CTNNA2: variants seen among roughly 807,000 people sequenced by gnomAD.
The protein encoded by CTNNA2 is catenin alpha 2.
CTNNA2 carries 42 observed loss-of-function variants against 101.0 expected under a neutral mutation model. The observed-to-expected ratio is 0.42, with a 90% CI of 0.32 to 0.54. CTNNA2 has a LOEUF of 0.54. Ranked by LOEUF, CTNNA2 falls within the 20% of genes least tolerant of loss-of-function variation. The pLI is 0.14. For synonymous variants in CTNNA2, 450 were observed against 456.4 expected (o/e 0.99, Z 0.18); for missense variants, 871 against 1,223.1 (o/e 0.71, Z 4.29).
At chr2:79,237,877 G>A (rs1674577068) in intron 2 of CTNNA2, among the ~76,000 whole-genome samples, 2 of 152,208 alleles carry the variant, frequency 1.3e-5, no homozygotes, top group East Asian at 3.9e-4. Context: ...GAATGTTGTG[G>A]CTTGTTTGAT....
chr2:79,334,349 G>A (rs960213652), intron 3 of CTNNA2, among the ~76,000 whole-genome samples: 1 of 151,862 alleles, frequency 6.6e-6, no homozygotes, highest in Non-Finnish European at 1.5e-5. Flanking sequence ...AAACAGCATA[G>A]CTTTTTTTCT....
intron 7 of CTNNA2, among the ~76,000 whole-genome samples, chr2:80,148,668 C>A (rs540282726): frequency 7.9e-5 from 12 of 152,320 alleles, no homozygotes; most frequent in Non-Finnish European, 1.8e-4. Flanking sequence ...AGTTTTATTT[C>A]TCTGAGGCTT....
At chr2:80,427,373 G>C (rs1331512982) in intron 9 of CTNNA2, among the ~76,000 whole-genome samples, 1 of 152,130 alleles carries the variant, frequency 6.6e-6, no homozygotes, top group Non-Finnish European at 1.5e-5. Flanking sequence ...TTGCTACGAG[G>C]CTCCCTGAGT....
At chr2:79,583,208 T>G (rs546257551) in intron 1 of CTNNA2, among the ~76,000 whole-genome samples, 1 of 150,076 alleles carries the variant, frequency 6.7e-6, no homozygotes, top group South Asian at 2.1e-4. Flanking sequence ...TATACACACA[T>G]ATATATATAT....
chr2:79,461,278 C>T (rs1375959069), intron 4 of CTNNA2, among the ~76,000 whole-genome samples: 2 of 152,186 alleles, frequency 1.3e-5, no homozygotes, highest in African/African-American at 2.4e-5. Flanking sequence ...GTTCTAAACT[C>T]CAATTTTGAA....
chr2:80,301,605 G>A (rs1281246446), intron 7 of CTNNA2, among the ~76,000 whole-genome samples: 1 of 152,218 alleles, frequency 6.6e-6, no homozygotes, highest in Non-Finnish European at 1.5e-5. Context: ...CCTGAAGGTG[G>A]TTAGATTGCA....
intron 1 of CTNNA2, among the ~76,000 whole-genome samples, chr2:79,613,047 G>A (rs905557586): frequency 3.3e-5 from 5 of 151,950 alleles, no homozygotes; most frequent in African/African-American, 4.8e-5. Flanking sequence ...GTTGACTTCA[G>A]TAGATTTCTT....
chr2:80,525,223 T>C (rs997473565), intron 9 of CTNNA2, among the ~76,000 whole-genome samples: 2 of 151,900 alleles, frequency 1.3e-5, no homozygotes, highest in Non-Finnish European at 2.9e-5. Context: ...ATAGCAATTT[T>C]TGCTACCCTG....
chr2:79,946,995 C>T (rs1688539535), intron 7 of CTNNA2, among the ~76,000 whole-genome samples: 1 of 152,102 alleles, frequency 6.6e-6, no homozygotes, highest in African/African-American at 2.4e-5. Flanking sequence ...ATCAAATATC[C>T]AGAATTATAC....
chr2:80,444,023 G>T (rs773623794), intron 9 of CTNNA2, among the ~76,000 whole-genome samples: 79 of 152,158 alleles, frequency 5.2e-4, no homozygotes, highest in Non-Finnish European at 9.1e-4. Flanking sequence ...CTGCTATTTG[G>T]TAAGAGACAA....
chr2:79,665,697 T>C lies in CTNNA2; in HGVS notation c.102+14039T>C, dbSNP rs116025734. Reference sequence around the variant, plus strand: ...TTTAACTGTTCAGTCTTTTTATTAGTAATTTTGTGCTTTATAATTTTAAGA... The same window carrying C: ...TTTAACTGTTCAGTCTTTTTATTAGCAATTTTGTGCTTTATAATTTTAAGA... On this transcript the variant is annotated intron_variant, in intron 2 of 18. Transcript: ENST00000402739. Among the ~76,000 whole-genome samples, 193 of 152,340 alleles carry C rather than the reference T, an allele frequency of 1.3e-3. 1 individual carries two copies. Among genetic ancestry groups the C allele is most frequent in the African/African-American group, 4.5e-3 (189 of 41,570 alleles).
intron 9 of CTNNA2, among the ~76,000 whole-genome samples, chr2:80,463,085 C>T (rs533060004): frequency 6.6e-6 from 1 of 152,156 alleles, no homozygotes; most frequent in East Asian, 1.9e-4. Flanking sequence ...GCGATGCTTA[C>T]TTGACTGTTT....
At chr2:80,287,260 G>A (rs2149170871) in intron 7 of CTNNA2, among the ~76,000 whole-genome samples, 1 of 152,290 alleles carries the variant, frequency 6.6e-6, no homozygotes, top group East Asian at 1.9e-4. Flanking sequence ...TGATAGAAAT[G>A]ACTTAAGCAT....
At chr2:80,527,522 T>G (rs1055427699) in intron 9 of CTNNA2, among the ~76,000 whole-genome samples, 3 of 152,192 alleles carry the variant, frequency 2.0e-5, no homozygotes, top group Non-Finnish European at 4.4e-5. Flanking sequence ...TGAAATCTGC[T>G]TTATCTTAAG....
chr2:80,114,914 T>C (rs1334510250), intron 7 of CTNNA2, among the ~76,000 whole-genome samples: 2 of 152,206 alleles, frequency 1.3e-5, no homozygotes, highest in African/African-American at 4.8e-5. Context: ...AATGTGTATC[T>C]GAGCTCTGTA....
chr2:79,929,321 AGAG>A (rs1191715124), intron 7 of CTNNA2, among the ~76,000 whole-genome samples: 1 of 152,218 alleles, frequency 6.6e-6, no homozygotes, highest in Non-Finnish European at 1.5e-5. Flanking sequence ...AAAGATAGTG[AGAG>A]GAGAATAACT....
At chr2:79,719,045 C>T (rs1686302365) in intron 2 of CTNNA2, among the ~76,000 whole-genome samples, 1 of 152,128 alleles carries the variant, frequency 6.6e-6, no homozygotes. Flanking sequence ...TCCCGCCCTT[C>T]CTCCTCGCTC....
chr2:80,204,616 A>G (rs930196627), intron 7 of CTNNA2, among the ~76,000 whole-genome samples: 23 of 152,124 alleles, frequency 1.5e-4, no homozygotes, highest in African/African-American at 5.3e-4. Flanking sequence ...ACATTCAACA[A>G]GTCTCTAGGA....
chr2:79,447,373 T>C (rs1455883053), intron 4 of CTNNA2, among the ~76,000 whole-genome samples: 1 of 152,060 alleles, frequency 6.6e-6, no homozygotes, highest in Non-Finnish European at 1.5e-5. Context: ...TTTCTGCATA[T>C]TATCTTCATA....
Sources: gnomAD v4.1 joint callset for allele counts (sites outside exome capture counted in the v4.1 genomes callset) on GRCh38, gnomAD v4.1.1 for gene constraint, MANE v1.5 for transcripts, NCBI Gene and HGNC (gene_info 2026-07-23, HGNC 2026-07-21) for gene names.